The following RALGPS1 variants were observed in gnomAD, a reference collection of about 807,000 sequenced individuals.
The protein encoded by RALGPS1 is ras-specific guanine nucleotide-releasing factor RalGPS1.
Under a neutral mutation model 78.8 loss-of-function variants are expected in RALGPS1, and 19 were observed. That is an observed-to-expected ratio of 0.24 (90% CI 0.17 to 0.35). The LOEUF (loss-of-function observed/expected upper bound fraction) is 0.35, where lower values mean the gene tolerates loss of function less well. Ranked by LOEUF, RALGPS1 falls within the 10% of genes least tolerant of loss-of-function variation. RALGPS1 has a pLI of 1.00. For synonymous variants in RALGPS1, 228 were observed against 256.3 expected, an observed-to-expected ratio of 0.89 and a Z score of 1.06; for missense variants, 454 against 688.3, an observed-to-expected ratio of 0.66 and a Z score of 3.81.
intron 7 of RALGPS1, among the ~76,000 whole-genome samples, chr9:127,068,718 A>G (rs916524284): frequency 6.6e-6 from 1 of 152,206 alleles, no homozygotes; most frequent in East Asian, 1.9e-4. Context: ...GTGGCACTGT[A>G]TAGCAGCAGC....
At chr9:126,941,737 GT>G (rs2036812606) in intron 1 of RALGPS1, among the ~76,000 whole-genome samples, 1 of 152,174 alleles carries the variant, frequency 6.6e-6, no homozygotes, top group Non-Finnish European at 1.5e-5. Flanking sequence ...TGTGCCCTGA[GT>G]TTATGGACAT....
intron 8 of RALGPS1, among the ~76,000 whole-genome samples, chr9:127,127,232 CTG>C (rs1564630500): frequency 1.3e-5 from 2 of 152,212 alleles, no homozygotes; most frequent in Non-Finnish European, 2.9e-5. Context: ...ATTCATTCTT[CTG>C]TGTGTCACCG....
intron 1 of RALGPS1, among the ~76,000 whole-genome samples, chr9:126,936,603 A>C (rs2131308042): frequency 6.6e-6 from 1 of 152,286 alleles, no homozygotes; most frequent in South Asian, 2.1e-4. Flanking sequence ...TGGAGGCTGG[A>C]AGACAGTGGG....
chr9:127,035,885 A>T (rs2046823766), intron 5 of RALGPS1, among the ~76,000 whole-genome samples: 1 of 152,060 alleles, frequency 6.6e-6, no homozygotes, highest in Admixed American at 6.6e-5. Context: ...GTCTCTTTTC[A>T]ACTGAGCTTA....
intron 3 of RALGPS1, among the ~76,000 whole-genome samples, chr9:126,975,612 G>A (rs2132585915): frequency 6.6e-6 from 1 of 152,280 alleles, no homozygotes; most frequent in African/African-American, 2.4e-5. Context: ...AATATGAGAA[G>A]CACTTGGCTA....
chr9:126,974,898 C>CGA (rs2132559350), intron 3 of RALGPS1, among the ~76,000 whole-genome samples: 1 of 152,156 alleles, frequency 6.6e-6, no homozygotes, highest in South Asian at 2.1e-4. Flanking sequence ...GAGATGGTCC[C>CGA]GAGAGCTGGC....
chr9:127,083,220 C>T (rs879869291), intron 8 of RALGPS1, among the ~76,000 whole-genome samples: 4 of 152,228 alleles, frequency 2.6e-5, no homozygotes, highest in Non-Finnish European at 4.4e-5. Context: ...TGGCACTGCA[C>T]GCCAGCAGCA....
At chr9:127,189,584 A>AT (rs1458328353) in intron 11 of RALGPS1, among the ~76,000 whole-genome samples, 1 of 152,260 alleles carries the variant, frequency 6.6e-6, no homozygotes, top group Non-Finnish European at 1.5e-5. Flanking sequence ...TGTGGATTAA[A>AT]TGTGAAGGCA....
intron 8 of RALGPS1, among the ~76,000 whole-genome samples, chr9:127,126,281 T>C (rs2056611689): frequency 6.6e-6 from 1 of 152,208 alleles, no homozygotes; most frequent in African/African-American, 2.4e-5. Context: ...ATCTTCTGTT[T>C]TCTGGCTTCT....
intron 4 of RALGPS1, among the ~76,000 whole-genome samples, chr9:127,021,333 C>A (rs1033513964): frequency 6.6e-6 from 1 of 151,986 alleles, no homozygotes; most frequent in Admixed American, 6.6e-5. Flanking sequence ...GAAACCCCGT[C>A]TCTACTAAAA....
rs1232288709 is a variant in RALGPS1 at position 127,174,736 on chromosome 9, A to C, written c.864A>C (p.Pro288=). 6.2e-7 allele frequency: 1 copy of C among 1,614,208 alleles called. No individual in the cohort carries two copies. Among genetic ancestry groups the C allele is most frequent in the Non-Finnish European group, 8.5e-7 (1 of 1,180,016 alleles). The change falls in exon 11 of 19, where the codon CCA becomes CCC. Residue 288 remains proline, a synonymous_variant. Coordinates refer to ENST00000259351, the MANE Select transcript of RALGPS1 (RefSeq NM_014636.3). The part of the protein sequence containing the change: ...DNYKLSLRIE[P]GSSSPRLVSS... ...TCAGACTGTCGCTCAGAATCGAACC[A>C]GGAAGCAGCTCTCCAAGACTAGTCT...
chr9:127,138,480 G>T (rs2057547609), intron 8 of RALGPS1, among the ~76,000 whole-genome samples: 1 of 152,194 alleles, frequency 6.6e-6, no homozygotes, highest in South Asian at 2.1e-4. Context: ...TAACCACAGT[G>T]ACAGTGCAAG....
At chr9:126,960,164 T>TTCCCTCCCTCCC (rs1201890808) in intron 1 of RALGPS1, among the ~76,000 whole-genome samples, 1 of 127,520 alleles carries the variant, frequency 7.8e-6, no homozygotes, top group Non-Finnish European at 1.7e-5. Flanking sequence ...CTTCCCTTCC[T>TTCCCTCCCTCCC]TCCCTCCCTC....
intron 3 of RALGPS1, among the ~76,000 whole-genome samples, chr9:126,977,164 G>C (rs116446306): frequency 6.6e-6 from 1 of 152,086 alleles, no homozygotes; most frequent in East Asian, 1.9e-4. Flanking sequence ...TTGTTGTCCC[G>C]TGCTGGTCTG....
chr9:126,988,951 G>T (rs2042040145), intron 4 of RALGPS1, among the ~76,000 whole-genome samples: 1 of 152,212 alleles, frequency 6.6e-6, no homozygotes, highest in African/African-American at 2.4e-5. Flanking sequence ...GGCCAGAAGG[G>T]CCAGAGACAG....
At chr9:127,119,002 A>C (rs1322427785) in intron 8 of RALGPS1, among the ~76,000 whole-genome samples, 1 of 152,198 alleles carries the variant, frequency 6.6e-6, no homozygotes, top group African/African-American at 2.4e-5. Context: ...ACGGATGTAG[A>C]AAGCGCATCA....
chr9:127,146,513 C>T (rs937044139), intron 8 of RALGPS1, among the ~76,000 whole-genome samples: 8 of 149,312 alleles, frequency 5.4e-5, no homozygotes, highest in Non-Finnish European at 1.2e-4. Context: ...TTGTGAATAG[C>T]GCAGTGATGA....
At chr9:127,084,221 T>C (rs1157397108) in intron 8 of RALGPS1, among the ~76,000 whole-genome samples, 2 of 152,154 alleles carry the variant, frequency 1.3e-5, no homozygotes, top group Non-Finnish European at 2.9e-5. Context: ...AGCACCTGGC[T>C]GACACGCAGT....
intron 8 of RALGPS1, among the ~76,000 whole-genome samples, chr9:127,125,482 G>A (rs978555275): frequency 1.3e-5 from 2 of 152,194 alleles, no homozygotes; most frequent in Non-Finnish European, 2.9e-5. Flanking sequence ...TGTAAAAAGG[G>A]GATGCTACTA....
Sources: gnomAD v4.1 joint callset for allele counts (sites outside exome capture counted in the v4.1 genomes callset) on GRCh38, gnomAD v4.1.1 for gene constraint, MANE v1.5 for transcripts, NCBI Gene and HGNC (gene_info 2026-07-23, HGNC 2026-07-21) for gene names.